SLC12A5: variants seen among roughly 807,000 people sequenced by gnomAD.
The protein encoded by SLC12A5 is solute carrier family 12 member 5.
SLC12A5 carries 18 observed loss-of-function variants against 124.0 expected under a neutral mutation model. The ratio of observed to expected loss-of-function variants is 0.15; its 90% CI spans 0.10 to 0.22. The LOEUF (loss-of-function observed/expected upper bound fraction) is 0.22, where lower values mean the gene tolerates loss of function less well. Among genes scored for constraint, SLC12A5 ranks in the 10% least tolerant of loss-of-function variants. The pLI is 1.00. For synonymous variants in SLC12A5, 589 were observed against 568.0 expected (o/e 1.04, Z -0.53); for missense variants, 867 against 1,478.7 (o/e 0.59, Z 6.78).
intron 6 of SLC12A5, chr20:46,038,413 C>A (rs980323918): frequency 6.6e-6 from 1 of 152,052 alleles, no homozygotes; most frequent in Non-Finnish European, 1.5e-5. Context: ...GTCTCAAACT[C>A]CTGAGTTTAA....
At chr20:46,046,599 C>G (rs78363875) in intron 14 of SLC12A5, among the ~76,000 whole-genome samples, 163 bp downstream of exon 14, 4,616 of 152,284 alleles carry the variant, frequency 0.03, 163 homozygotes, top group Admixed American at 0.11. Context: ...GGAAGGTCCC[C>G]GAGAGGGTCT....
chr20:46,058,654 C>T lies in SLC12A5; in HGVS notation c.*1049C>T. 1 of 399,052 alleles carries T rather than the reference C, an allele frequency of 2.5e-6. No homozygotes were observed. Among genetic ancestry groups the T allele is most frequent in the Non-Finnish European group, 4.4e-6 (1 of 226,078 alleles). 24.7% of individuals were successfully genotyped at this position (399,052 alleles called of 1,614,324 possible). Reference sequence around the variant, plus strand: ...CTCAGTCGGCTTGTCGCCTGCTCCCCGTATCCCATGGCTCCTCGCCAAAGA... The same window carrying T: ...CTCAGTCGGCTTGTCGCCTGCTCCCTGTATCCCATGGCTCCTCGCCAAAGA... On this transcript the variant is annotated 3_prime_UTR_variant, in exon 26 of 26. Transcript: ENST00000243964. The surrounding 1 kb of genome is among the most constrained non-coding windows in gnomAD (Gnocchi z 5.8).
chr20:46,049,760 A>G lies in SLC12A5; in HGVS notation c.2151A>G (p.Glu717=). 2 of 1,601,758 alleles carry G rather than the reference A, an allele frequency of 1.2e-6. No homozygotes were observed. The highest frequency in any genetic ancestry group is 1.7e-6 in the Non-Finnish European group (2 of 1,174,966). ...VGSVLEGTFL[E]NHPQAQRAEE... is the part of the protein sequence containing the mutation. ...CTGTCCTTGAGGGCACCTTTCTGGA[A>G]AATCATCCACAGGCCCAGCGGGCAG... Residue 717 remains glutamate, a synonymous_variant, in exon 17 of 26, where the codon GAA becomes GAG. Transcript: ENST00000243964.
chr20:46,055,964 AGAG>A, intron 21 of SLC12A5, 183 bp from the exon 22 acceptor site: 1 of 749,286 alleles, frequency 1.3e-6, no homozygotes, highest in Non-Finnish European at 2.1e-6. Flanking sequence ...GGGGTTCTGG[AGAG>A]GAGGTGGGGC....
chr20:46,046,567 T>C (rs2084597389), intron 14 of SLC12A5, 131 bp downstream of exon 14: 1 of 721,618 alleles, frequency 1.4e-6, no homozygotes, highest in Non-Finnish European at 2.3e-6. Context: ...TTTCTCCAGC[T>C]TTTGTTGACC....
intron 18 of SLC12A5, among the ~76,000 whole-genome samples, chr20:46,052,678 G>C (rs947252583): frequency 2.0e-5 from 3 of 152,362 alleles, no homozygotes; most frequent in Admixed American, 6.5e-5. Flanking sequence ...GGTCATACAT[G>C]ATGGGCTCTT....
intron 4 of SLC12A5, 146 bp from the exon 5 acceptor site, chr20:46,036,595 T>G: frequency 1.4e-6 from 1 of 699,444 alleles, no homozygotes; most frequent in Non-Finnish European, 2.4e-6. Flanking sequence ...TTGGCAGGAG[T>G]AGAAGTTGGA....
chr20:46,044,229 C>T (rs1461588831), intron 11 of SLC12A5, among the ~76,000 whole-genome samples: 1 of 152,124 alleles, frequency 6.6e-6, no homozygotes, highest in African/African-American at 2.4e-5. Flanking sequence ...GTTGGTCACA[C>T]AGACAGGAGT....
chr20:46,031,878 G>A (rs1009529940), intron 1 of SLC12A5, among the ~76,000 whole-genome samples: 1 of 152,344 alleles, frequency 6.6e-6, no homozygotes, highest in Admixed American at 6.5e-5. Context: ...CCTTGGCTCC[G>A]GGGAATCAGG....
chr20:46,031,619 G>T (rs1026493138), intron 1 of SLC12A5, among the ~76,000 whole-genome samples: 3 of 152,170 alleles, frequency 2.0e-5, no homozygotes, highest in African/African-American at 7.2e-5. Context: ...TTCTCCTTGG[G>T]GTCTGACGCC....
At chr20:46,036,505 T>G in intron 4 of SLC12A5, 3 of 427,740 alleles carry the variant, frequency 7.0e-6, no homozygotes, top group Non-Finnish European at 1.3e-5. Flanking sequence ...AGGCTGGGAT[T>G]TCCAGAGCTC....
At position 46,044,766 on chromosome 20, in the gene SLC12A5, G is replaced by A. The variant is rs543771779; in HGVS notation, c.1395-200G>A. 9.5e-6 allele frequency: 6 copies of A among 628,952 alleles called. No homozygotes were observed. In the East Asian group the frequency reaches 1.2e-4, roughly 12 times the overall value. 39.0% of individuals were successfully genotyped at this position (628,952 alleles called of 1,614,324 possible). ...ATGCTGGAGACAGGCCTAGAGGCCT[G>A]GTTTTCAGTATCAGGAAATTAGAGA... On this transcript the variant is annotated intron_variant, in intron 11 of 25. Coordinates refer to ENST00000243964, the MANE Select transcript of SLC12A5 (RefSeq NM_020708.5).
At position 46,045,766 on chromosome 20, in the gene SLC12A5, C is replaced by T. The variant is rs1034246551; in HGVS notation, c.1570-112C>T. On this transcript the variant is annotated intron_variant, in intron 12 of 25. Transcript: ENST00000243964. This position sits in a 1 kb window ranked among gnomAD's most constrained non-coding sequence, Gnocchi z 4.9. ...GGAAGAGAAATGCATCCTCTCCCTT[C>T]CTCCTCTTTGGTGATAGGATTCCTG... 32 of 781,924 alleles carry T rather than the reference C, an allele frequency of 4.1e-5. No homozygotes were observed. Among genetic ancestry groups the T allele is most frequent in the Non-Finnish European group, 6.3e-5 (30 of 473,510 alleles). The allele number at this position is 781,924 out of a possible 1,614,324, so 48.4% of individuals were successfully genotyped here.
At position 46,040,484 on chromosome 20, in the gene SLC12A5, G is replaced by A; in HGVS notation, c.724G>A (p.Ala242Thr). The A allele has an allele frequency of 6.2e-7, 1 of 1,614,258 alleles. No homozygotes were observed. Among genetic ancestry groups the A allele is most frequent in the Non-Finnish European group, 8.5e-7 (1 of 1,180,048 alleles). ...CGGCACCTGTGTGCTCACCTGCATG[G>A]CCACTGTGGTGTTTGTGGGTGTCAA... The part of the protein sequence containing the change: ...VYGTCVLTCM[A>T]TVVFVGVKYV... The change falls in exon 7 of 26, where the codon GCC becomes ACC. Residue 242 changes from alanine to threonine, a missense_variant. Coordinates refer to ENST00000243964, the MANE Select transcript of SLC12A5 (RefSeq NM_020708.5).
In SLC12A5 at chr20:46,056,505, G is replaced by A. The variant is rs200632849; in HGVS notation, c.3051G>A (p.Lys1017=). 1.9e-6 allele frequency: 3 copies of A among 1,614,146 alleles called. No homozygotes were observed. The Admixed American group carries it at 5.0e-5, about 27-fold the overall frequency. Residue 1017 remains lysine, a synonymous_variant, in exon 23 of 26, where the codon AAG becomes AAA. Transcript: ENST00000243964. This position sits in a 1 kb window ranked among gnomAD's most constrained non-coding sequence, Gnocchi z 4.3. ...CCAAGGACAAGTCGGTGGCAGAGAAGAATAAGGGCCCCAGTCCTGTCTCCT... is the reference window on the plus strand; with the variant it reads ...CCAAGGACAAGTCGGTGGCAGAGAAAAATAAGGGCCCCAGTCCTGTCTCCT... ...TWTKDKSVAE[K]NKGPSPVSSE...
chr20:46,030,322 G>A (rs1297983455), intron 1 of SLC12A5, among the ~76,000 whole-genome samples: 4 of 152,198 alleles, frequency 2.6e-5, no homozygotes, highest in South Asian at 2.1e-4. Context: ...CGGACACTGC[G>A]GACGCGCTGC....
upstream of SLC12A5, among the ~76,000 whole-genome samples, chr20:46,025,684 G>A (rs943214306): frequency 6.6e-6 from 1 of 152,176 alleles, no homozygotes; most frequent in African/African-American, 2.4e-5. Flanking sequence ...TTAAACCCCC[G>A]GTTGCCACGG....
At chr20:46,047,847 T>C in intron 15 of SLC12A5, 134 bp from the exon 16 acceptor site, 1 of 902,300 alleles carries the variant, frequency 1.1e-6, no homozygotes, top group Non-Finnish European at 1.7e-6. Flanking sequence ...TTGAGTCTGT[T>C]GGCAGGAGTG....
At chr20:46,040,330 G>T (rs2084534303) in intron 6 of SLC12A5, 43 bp from the exon 7 acceptor site, 1 of 1,607,302 alleles carries the variant, frequency 6.2e-7, no homozygotes, top group Non-Finnish European at 8.5e-7. Context: ...AGTGCAAAGG[G>T]CTGCTGACTT....
Sources: gnomAD v4.1 joint callset for allele counts (sites outside exome capture counted in the v4.1 genomes callset) on GRCh38, gnomAD v4.1.1 for gene constraint, Gnocchi (gnomAD v3.1) non-coding constraint, MANE v1.5 for transcripts, NCBI Gene and HGNC (gene_info 2026-07-23, HGNC 2026-07-21) for gene names.